The following PTH2R variants were observed in gnomAD, a reference collection of about 807,000 sequenced individuals.
PTH2R encodes the protein PTH2 receptor.
Under a neutral mutation model 60.3 loss-of-function variants are expected in PTH2R, and 59 were observed. The ratio of observed to expected loss-of-function variants is 0.98; its 90% CI spans 0.79 to 1.22. The LOEUF is 1.22. PTH2R is among the 50% of genes most tolerant of loss of function. PTH2R has a pLI of 0.00. For synonymous variants in PTH2R, 256 were observed against 243.8 expected (o/e 1.05, Z -0.47); for missense variants, 749 against 682.6 (o/e 1.10, Z -1.08).
intron 1 of PTH2R, among the ~76,000 whole-genome samples, chr2:208,391,227 C>T (rs185661729): frequency 3.9e-5 from 6 of 152,306 alleles, no homozygotes; most frequent in East Asian, 3.9e-4. Flanking sequence ...CTAGCTTAGA[C>T]GTTTCTCGAT....
chr2:208,409,999 CAA>C (rs970260794), intron 1 of PTH2R, among the ~76,000 whole-genome samples: 5 of 151,982 alleles, frequency 3.3e-5, no homozygotes, highest in African/African-American at 1.2e-4. Context: ...GACCGGCAAG[CAA>C]ATCTGACAAA....
intron 6 of PTH2R, 110 bp from the exon 7 acceptor site, chr2:208,444,624 A>T: frequency 4.0e-6 from 4 of 1,011,716 alleles, no homozygotes; most frequent in Non-Finnish European, 5.7e-6. Flanking sequence ...TGTAAAGGAG[A>T]CATATTAGCC....
At chr2:208,369,354 A>T (rs1003810675) in intron 1 of PTH2R, among the ~76,000 whole-genome samples, 1 of 148,576 alleles carries the variant, frequency 6.7e-6, no homozygotes, top group Non-Finnish European at 1.5e-5. Flanking sequence ...TCTGTAAACA[A>T]CACTGGTCTC....
At chr2:208,417,541 C>CTTTTTT (rs56354728) in intron 1 of PTH2R, among the ~76,000 whole-genome samples, 2 of 87,914 alleles carry the variant, frequency 2.3e-5, no homozygotes, top group African/African-American at 3.4e-5. Flanking sequence ...AGGTGGGAAT[C>CTTTTTT]TTTTTTTTTT....
chr2:208,373,309 C>CT lies in PTH2R; in HGVS notation c.-259+13080dup, dbSNP rs201563172. 2.3e-3 allele frequency among the ~76,000 whole-genome samples: 350 copies of CT among 151,864 alleles called. 1 individual carries two copies. The East Asian group carries it at 0.026, about 11-fold the overall frequency. On this transcript the variant is annotated intron_variant, in intron 1 of 12. Coordinates refer to the PTH2R transcript ENST00000617735. ...AAAGAATTTTTTTCTTTTTGTAAAT[C>CT]TTTTTTTTGGTTTGTTAAACTGAAA...
chr2:208,369,261 A>T (rs1331145036), intron 1 of PTH2R, among the ~76,000 whole-genome samples: 2 of 152,194 alleles, frequency 1.3e-5, no homozygotes, highest in Non-Finnish European at 2.9e-5. Context: ...AGATGTGCAG[A>T]TGCCAACATG....
chr2:208,391,239 T>G (rs1701102893), intron 1 of PTH2R, among the ~76,000 whole-genome samples: 2 of 152,206 alleles, frequency 1.3e-5, no homozygotes, highest in African/African-American at 4.8e-5. Context: ...TTTCTCGATT[T>G]AATAGAAAAT....
intron 2 of PTH2R, 116 bp downstream of exon 2, chr2:208,428,419 C>A: frequency 1.4e-6 from 1 of 697,606 alleles, no homozygotes; most frequent in Non-Finnish European, 2.5e-6. Context: ...TCCACATTTC[C>A]ATGTGGAGGG....
At position 208,493,714 on chromosome 2, in the gene PTH2R, G is replaced by A; in HGVS notation, c.*55G>A. On this transcript the variant is annotated 3_prime_UTR_variant, in exon 13 of 13. Transcript: ENST00000272847. Reference sequence around the variant, plus strand: ...TGGTCCAATGGCTGGTTGTGTGAGAGGGCTTGGCTGATACTCCTATGCTTG... The same window carrying A: ...TGGTCCAATGGCTGGTTGTGTGAGAAGGCTTGGCTGATACTCCTATGCTTG... 5 of 1,495,746 alleles carry A rather than the reference G, an allele frequency of 3.3e-6. No homozygotes were observed. The South Asian group carries it at 4.2e-5, about 12-fold the overall frequency. 92.7% of individuals were successfully genotyped at this position (1,495,746 alleles called of 1,614,324 possible).
In PTH2R at chr2:208,494,412, A is replaced by T. The variant is rs1703486776; in HGVS notation, c.*753A>T. On this transcript the variant is annotated 3_prime_UTR_variant, in exon 13 of 13. Transcript: ENST00000272847. ...GATTTTGTTTGTAATGTATTTTGAT[A>T]GCAAATCATGCTGCATCTATATCTT... 6.6e-6 allele frequency: 1 copy of T among 152,356 alleles called. No homozygotes were observed. Among genetic ancestry groups the T allele is most frequent in the East Asian group, 1.9e-4 (1 of 5,184 alleles). The allele number at this position is 152,356 out of a possible 1,614,324, so 9.4% of individuals were successfully genotyped here.
intron 1 of PTH2R, among the ~76,000 whole-genome samples, chr2:208,377,967 G>A (rs2125874526): frequency 6.6e-6 from 1 of 152,180 alleles, no homozygotes; most frequent in African/African-American, 2.4e-5. Context: ...TTCCCAGACG[G>A]GGTGGCGGCC....
chr2:208,427,790 C>A (rs1357582249), intron 1 of PTH2R, among the ~76,000 whole-genome samples: 1 of 151,640 alleles, frequency 6.6e-6, no homozygotes, highest in Non-Finnish European at 1.5e-5. Context: ...TAAATTGTAT[C>A]ATGTTAGATG....
chr2:208,493,374 G>A lies in PTH2R; in HGVS notation c.1368G>A (p.Thr456=), dbSNP rs193022380. The A allele has an allele frequency of 8.7e-6, 14 of 1,608,268 alleles. No individual in the cohort carries two copies. Among genetic ancestry groups the A allele is most frequent in the African/African-American group, 1.3e-5 (1 of 74,990 alleles). The change falls in exon 13 of 13, where the codon ACG becomes ACA. Residue 456 remains threonine, a synonymous_variant. Transcript: ENST00000272847. ...RRCGSVLTTV[T]HSTSSQSQVA... is the part of the protein sequence containing the mutation. The stretch of plus-strand genomic sequence containing the variant: ...GCGGCTCAGTGCTCACCACCGTGAC[G>A]CACAGCACCAGCAGCCAGTCACAGG...
chr2:208,412,248 T>G (rs1229222205), intron 1 of PTH2R, among the ~76,000 whole-genome samples: 1 of 152,276 alleles, frequency 6.6e-6, no homozygotes, highest in African/African-American at 2.4e-5. Flanking sequence ...TGATGGATAT[T>G]ACCACTTTAC....
At chr2:208,374,543 G>A (rs190079294) in intron 1 of PTH2R, among the ~76,000 whole-genome samples, 5 of 152,080 alleles carry the variant, frequency 3.3e-5, no homozygotes, top group South Asian at 2.1e-4. Flanking sequence ...CATTCTTGTC[G>A]CCCAGCTGGA....
chr2:208,420,792 T>C (rs1465888842), intron 1 of PTH2R, among the ~76,000 whole-genome samples: 1 of 152,186 alleles, frequency 6.6e-6, no homozygotes, highest in Non-Finnish European at 1.5e-5. Flanking sequence ...GCAGATTCCA[T>C]TGGTTTTATA....
At chr2:208,450,886 C>G (rs571978122) in intron 8 of PTH2R, 77 bp downstream of exon 8, 7 of 1,477,984 alleles carry the variant, frequency 4.7e-6, no homozygotes, top group African/African-American at 1.4e-5. Flanking sequence ...AATTCACACT[C>G]GCTTCTGTTC....
intron 1 of PTH2R, among the ~76,000 whole-genome samples, chr2:208,396,239 A>G (rs900472225): frequency 6.6e-6 from 1 of 152,250 alleles, no homozygotes; most frequent in Non-Finnish European, 1.5e-5. Context: ...ACCATTCAGG[A>G]CATAGGCACA....
intron 7 of PTH2R, among the ~76,000 whole-genome samples, chr2:208,449,153 T>C (rs906513449): frequency 2.0e-5 from 3 of 152,310 alleles, no homozygotes; most frequent in Admixed American, 2.0e-4. Context: ...GAGGGATCTA[T>C]GTCAGGCCAT....
Sources: allele counts gnomAD v4.1 joint callset (sites outside exome capture counted in the v4.1 genomes callset), GRCh38; gene constraint gnomAD v4.1.1; transcripts MANE v1.5; gene names NCBI Gene and HGNC (gene_info 2026-07-23, HGNC 2026-07-21).